SNTG1: variants seen among roughly 807,000 people sequenced by gnomAD.
The protein encoded by SNTG1 is gamma-1-syntrophin.
In SNTG1, 39 loss-of-function variants were observed where a neutral mutation model predicts 74.7. The ratio of observed to expected loss-of-function variants is 0.52; its 90% CI spans 0.40 to 0.68. The LOEUF is 0.68. Among genes scored for constraint, SNTG1 ranks in the 30% least tolerant of loss-of-function variants. SNTG1 has a pLI of 0.00. For synonymous variants in SNTG1, 254 were observed against 217.1 expected (o/e 1.17, Z -1.49); for missense variants, 685 against 609.5 (o/e 1.12, Z -1.30).
intron 1 of SNTG1, among the ~76,000 whole-genome samples, chr8:50,142,242 G>A (rs1479936564): frequency 6.6e-6 from 1 of 151,852 alleles, no homozygotes; most frequent in East Asian, 1.9e-4. Context: ...ACAAGATCTG[G>A]GAACACAAGA....
intron 1 of SNTG1, among the ~76,000 whole-genome samples, chr8:50,023,864 C>T (rs996585079): frequency 6.6e-6 from 1 of 152,154 alleles, no homozygotes; most frequent in Non-Finnish European, 1.5e-5. Context: ...CAGGAGCCTC[C>T]ATCAAGGGTC....
chr8:50,748,264 G>C lies in SNTG1; in HGVS notation c.1285-3737G>C, dbSNP rs567455092. 1.6e-4 allele frequency among the ~76,000 whole-genome samples: 24 copies of C among 152,040 alleles called. No individual in the cohort carries two copies. The East Asian group carries it at 4.7e-3, about 30-fold the overall frequency. On this transcript the variant is annotated intron_variant, in intron 17 of 18. Coordinates refer to ENST00000642720, the MANE Select transcript of SNTG1 (RefSeq NM_018967.5). ...CATTTACCCTTAAATGTATTTATTG[G>C]AACCTTTACCAATCTCATTTTCTCA...
chr8:50,240,120 G>C (rs1261233774), intron 2 of SNTG1, among the ~76,000 whole-genome samples: 1 of 152,182 alleles, frequency 6.6e-6, no homozygotes, highest in Non-Finnish European at 1.5e-5. Context: ...TTTGCAGAGA[G>C]AGCTCATTAA....
At chr8:50,174,939 C>T (rs1425285315) in intron 2 of SNTG1, among the ~76,000 whole-genome samples, 1 of 148,186 alleles carries the variant, frequency 6.7e-6, no homozygotes, top group East Asian at 2.0e-4. Context: ...TCAGTTTCCA[C>T]CTATGAGTGA....
chr8:50,507,370 A>AT (rs1359517671), intron 9 of SNTG1, among the ~76,000 whole-genome samples: 3 of 152,062 alleles, frequency 2.0e-5, no homozygotes, highest in Non-Finnish European at 4.4e-5. Flanking sequence ...CCCTCATCAA[A>AT]TTTTTTTGAA....
chr8:50,016,504 T>G (rs1816329300), intron 1 of SNTG1, among the ~76,000 whole-genome samples: 1 of 152,122 alleles, frequency 6.6e-6, no homozygotes, highest in Admixed American at 6.6e-5. Context: ...CAACTTCTGA[T>G]GGCCAGCCAC....
chr8:50,046,240 G>A (rs1819071951), intron 1 of SNTG1, among the ~76,000 whole-genome samples: 1 of 152,240 alleles, frequency 6.6e-6, no homozygotes, highest in African/African-American at 2.4e-5. Flanking sequence ...TAGATTTGGT[G>A]CCAGGACTGG....
chr8:50,485,614 G>A (rs543972766), intron 8 of SNTG1, among the ~76,000 whole-genome samples: 2 of 149,332 alleles, frequency 1.3e-5, no homozygotes, highest in Non-Finnish European at 3.0e-5. Context: ...CTCCCATTTT[G>A]TAGGTTGCCT....
chr8:50,276,922 C>T (rs61106370), intron 2 of SNTG1, among the ~76,000 whole-genome samples: 2,502 of 151,930 alleles, frequency 0.016, 69 homozygotes, highest in African/African-American at 0.058. Context: ...ACTGCAAGCT[C>T]CGCCTCCCAC....
intron 8 of SNTG1, among the ~76,000 whole-genome samples, chr8:50,489,768 C>A (rs944373791): frequency 1.3e-5 from 2 of 152,156 alleles, no homozygotes; most frequent in African/African-American, 4.8e-5. Flanking sequence ...TGGAGAAGCT[C>A]TTTAGTTTAA....
At chr8:50,512,277 A>G (rs939077489) in intron 9 of SNTG1, among the ~76,000 whole-genome samples, 2 of 152,046 alleles carry the variant, frequency 1.3e-5, no homozygotes, top group Non-Finnish European at 2.9e-5. Context: ...GTTTCCACCG[A>G]GAGATCAGCT....
chr8:50,286,068 G>T (rs185367636), intron 2 of SNTG1, among the ~76,000 whole-genome samples: 2 of 151,750 alleles, frequency 1.3e-5, no homozygotes, highest in Non-Finnish European at 2.9e-5. Flanking sequence ...ATGTTTTGGC[G>T]TTTTTTCTCA....
intron 2 of SNTG1, among the ~76,000 whole-genome samples, chr8:50,248,042 C>A (rs1261336751): frequency 6.6e-6 from 1 of 152,100 alleles, no homozygotes; most frequent in Non-Finnish European, 1.5e-5. Context: ...CTTCTTCCCT[C>A]CATTTGTGTC....
At chr8:50,332,223 A>G (rs544677545) in intron 2 of SNTG1, among the ~76,000 whole-genome samples, 1 of 152,332 alleles carries the variant, frequency 6.6e-6, no homozygotes, top group East Asian at 1.9e-4. Context: ...TCTGTTTATG[A>G]CATACATATT....
intron 13 of SNTG1, among the ~76,000 whole-genome samples, chr8:50,607,172 T>G (rs2094818754): frequency 6.6e-6 from 1 of 151,880 alleles, no homozygotes; most frequent in Non-Finnish European, 1.5e-5. Flanking sequence ...ATTATTTAAT[T>G]TTCATATATT....
intron 12 of SNTG1, among the ~76,000 whole-genome samples, chr8:50,583,452 A>G (rs2094625168): frequency 1.3e-5 from 2 of 151,580 alleles, no homozygotes; most frequent in Non-Finnish European, 2.9e-5. Context: ...AATTTATATG[A>G]TAGAAAATAA....
At chr8:50,560,069 A>G (rs1313423236) in intron 12 of SNTG1, among the ~76,000 whole-genome samples, 1 of 152,174 alleles carries the variant, frequency 6.6e-6, no homozygotes, top group Non-Finnish European at 1.5e-5. Flanking sequence ...ACATGAACAG[A>G]CACTTCACAA....
At chr8:50,534,642 C>T (rs1053703834) in intron 10 of SNTG1, among the ~76,000 whole-genome samples, 5 of 151,948 alleles carry the variant, frequency 3.3e-5, no homozygotes, top group Admixed American at 3.3e-4. Flanking sequence ...TTAGTCAGGC[C>T]TGGTGGTGGG....
intron 1 of SNTG1, among the ~76,000 whole-genome samples, chr8:50,090,898 C>T (rs564999295): frequency 6.6e-6 from 1 of 152,112 alleles, no homozygotes; most frequent in Admixed American, 6.5e-5. Flanking sequence ...AAATTAAGGC[C>T]ACAATGGGGC....
Sources: gnomAD v4.1 joint callset for allele counts (sites outside exome capture counted in the v4.1 genomes callset) on GRCh38, gnomAD v4.1.1 for gene constraint, MANE v1.5 for transcripts, NCBI Gene and HGNC (gene_info 2026-07-23, HGNC 2026-07-21) for gene names.